Variants in NR2F1-AS1 observed in about 807,000 individuals in gnomAD.
NR2F1-AS1 encodes NR2F1 regulatory antisense RNA 1.
At chr5:93,573,215 T>G (rs942861186) in intron 1 of NR2F1-AS1, among the ~76,000 whole-genome samples, 1 of 152,176 alleles carries the variant, frequency 6.6e-6, no homozygotes, top group African/African-American at 2.4e-5. Flanking sequence ...CTAGTGAGTT[T>G]GGCTGGCAGT....
intron 4 of NR2F1-AS1, among the ~76,000 whole-genome samples, chr5:93,492,347 C>T (rs564194244): frequency 9.1e-4 from 139 of 152,296 alleles, no homozygotes; most frequent in African/African-American, 3.3e-3. Context: ...CATGGCTTCA[C>T]TGTTTGTTTT....
intron 4 of NR2F1-AS1, chr5:93,543,309 T>A (rs943303893): frequency 2.0e-5 from 3 of 152,160 alleles, no homozygotes; most frequent in Admixed American, 6.6e-5. Context: ...ATTAGAATTA[T>A]CAGACACAAA....
At chr5:93,466,358 T>A (rs1171145050) in intron 4 of NR2F1-AS1, among the ~76,000 whole-genome samples, 1 of 151,146 alleles carries the variant, frequency 6.6e-6, no homozygotes, top group Admixed American at 6.6e-5. Flanking sequence ...TGAGACATGG[T>A]CTCGCTCTGT....
intron 4 of NR2F1-AS1, among the ~76,000 whole-genome samples, chr5:93,436,286 C>G (rs1000951310): frequency 1.3e-5 from 2 of 152,200 alleles, no homozygotes; most frequent in African/African-American, 4.8e-5. Context: ...CAAGTGCTTT[C>G]ACTTAGTCAT....
intron 4 of NR2F1-AS1, among the ~76,000 whole-genome samples, chr5:93,457,874 C>G (rs183745763): frequency 1.0e-3 from 156 of 152,264 alleles, no homozygotes; most frequent in African/African-American, 3.6e-3. Flanking sequence ...GTCGATGGTG[C>G]TCAACTGCGG....
At chr5:93,560,286 T>C (rs892905167) in intron 2 of NR2F1-AS1, among the ~76,000 whole-genome samples, 1 of 152,268 alleles carries the variant, frequency 6.6e-6, no homozygotes, top group African/African-American at 2.4e-5. Flanking sequence ...CAAGCTCATG[T>C]AAGAACAAAA....
chr5:93,584,912 G>GCCCCCT (rs1753200161), upstream of NR2F1-AS1: 3 of 23,704 alleles, frequency 1.3e-4, no homozygotes, highest in South Asian at 1.5e-3. Flanking sequence ...CGGGCCCCCC[G>GCCCCCT]CCCCCTCCCC....
At chr5:93,455,613 G>C (rs1285282222) in intron 4 of NR2F1-AS1, among the ~76,000 whole-genome samples, 2 of 152,006 alleles carry the variant, frequency 1.3e-5, no homozygotes, top group Non-Finnish European at 2.9e-5. Flanking sequence ...AGTGCAAATA[G>C]ATATACCATA....
intron 4 of NR2F1-AS1, among the ~76,000 whole-genome samples, chr5:93,549,829 C>G (rs1311559578): frequency 1.3e-5 from 2 of 152,152 alleles, no homozygotes; most frequent in East Asian, 3.9e-4. Context: ...ATGGATGAAG[C>G]TGGAAACCAT....
chr5:93,502,213 T>C (rs911614304), intron 4 of NR2F1-AS1, among the ~76,000 whole-genome samples: 1 of 152,202 alleles, frequency 6.6e-6, no homozygotes, highest in African/African-American at 2.4e-5. Context: ...TTTATCGCAA[T>C]ATCCACTTTA....
At chr5:93,410,570 G>C (rs1308348070) in intron 4 of NR2F1-AS1, 1 of 152,178 alleles carries the variant, frequency 6.6e-6, no homozygotes, top group Non-Finnish European at 1.5e-5. Context: ...CACTCGTTAT[G>C]AGAGCCTAAC....
In NR2F1-AS1 at chr5:93,480,310, T is replaced by A. The variant is rs140176146; in HGVS notation, n.638+73451A>T. 1.6e-3 allele frequency among the ~76,000 whole-genome samples: 239 copies of A among 152,092 alleles called. 1 individual carries two copies. Among genetic ancestry groups the A allele is most frequent in the African/African-American group, 5.4e-3 (223 of 41,506 alleles). On this transcript the variant is annotated intron_variant and non_coding_transcript_variant, in intron 4 of 5. Coordinates refer to ENST00000660523, the Ensembl canonical transcript of NR2F1-AS1. ...CACATACAAGCCATCCTCAATAAGA[T>A]TAACAACCTATTTTTATGAGAAACT...
At chr5:93,523,136 G>T (rs1421351249) in intron 4 of NR2F1-AS1, among the ~76,000 whole-genome samples, 1 of 152,112 alleles carries the variant, frequency 6.6e-6, no homozygotes, top group African/African-American at 2.4e-5. Flanking sequence ...GTATGAAGTC[G>T]ACCTGGGATG....
chr5:93,441,727 A>G (rs1749574955), intron 4 of NR2F1-AS1, among the ~76,000 whole-genome samples: 1 of 152,246 alleles, frequency 6.6e-6, no homozygotes, highest in Admixed American at 6.5e-5. Context: ...GCAACTTTAA[A>G]GCTTCCTGAG....
At chr5:93,578,774 A>C (rs1752953757) in intron 1 of NR2F1-AS1, among the ~76,000 whole-genome samples, 1 of 152,210 alleles carries the variant, frequency 6.6e-6, no homozygotes, top group African/African-American at 2.4e-5. Context: ...GTGCCTGGAC[A>C]AGTATGTAGG....
intron 4 of NR2F1-AS1, among the ~76,000 whole-genome samples, chr5:93,547,948 C>T (rs553701447): frequency 6.6e-6 from 1 of 152,128 alleles, no homozygotes; most frequent in African/African-American, 2.4e-5. Flanking sequence ...TATTGTCTTG[C>T]ACATGTCAAT....
chr5:93,515,877 A>T (rs1398821457), intron 4 of NR2F1-AS1, among the ~76,000 whole-genome samples: 1 of 151,932 alleles, frequency 6.6e-6, no homozygotes. Flanking sequence ...TAATAAACTG[A>T]AAACAGAGTA....
intron 4 of NR2F1-AS1, among the ~76,000 whole-genome samples, chr5:93,451,351 T>A (rs1260634450): frequency 6.6e-6 from 1 of 150,512 alleles, no homozygotes; most frequent in African/African-American, 2.4e-5. Context: ...CTGGCAACTA[T>A]TAAATTTTTG....
upstream of NR2F1-AS1, chr5:93,585,535 G>A: frequency 6.7e-7 from 1 of 1,492,148 alleles, no homozygotes; most frequent in African/African-American, 1.4e-5. Flanking sequence ...CCGCCTCCCT[G>A]GCTCTTTCTT....
Sources: gnomAD v4.1 joint callset for allele counts (sites outside exome capture counted in the v4.1 genomes callset) on GRCh38, gnomAD v4.1.1 for gene constraint, MANE v1.5 for transcripts, NCBI Gene and HGNC (gene_info 2026-07-23, HGNC 2026-07-21) for gene names.